Variants in SPEN observed in about 807,000 individuals in gnomAD.
SPEN encodes the protein msx2-interacting protein.
Under a neutral mutation model 269.9 loss-of-function variants are expected in SPEN, and 18 were observed. The observed-to-expected ratio is 0.07, with a 90% CI of 0.05 to 0.10. The LOEUF is 0.10. Ranked by LOEUF, SPEN falls within the 10% of genes least tolerant of loss-of-function variation. SPEN has a pLI of 1.00. For missense variants in SPEN, 3,822 were observed against 4,631.2 expected, an observed-to-expected ratio of 0.83 and a Z score of 5.07; for synonymous variants, 1,726 against 1,765.7, an observed-to-expected ratio of 0.98 and a Z score of 0.56.
rs1308990853 is a variant in SPEN, at chr1:15,933,290, T to C, written c.7050T>C (p.Ala2350=). The C allele has an allele frequency of 1.2e-6, 2 of 1,614,014 alleles. No homozygotes were observed. Among genetic ancestry groups the C allele is most frequent in the Non-Finnish European group, 8.5e-7 (1 of 1,180,024 alleles). Residue 2350 remains alanine (A), a synonymous_variant, in exon 11 of 15, where the codon GCT becomes GCC. Transcript: ENST00000375759. This position sits in a 1 kb window ranked among gnomAD's most constrained non-coding sequence, Gnocchi z 5.7. ...RKRNTNKKVV[A]PVESHVPESN... The stretch of plus-strand genomic sequence containing the variant: ...GAAACACAAACAAGAAAGTGGTGGC[T>C]CCTGTAGAGAGCCATGTCCCTGAAT...
At chr1:15,903,092 T>TA (rs2070918983) in intron 3 of SPEN, among the ~76,000 whole-genome samples, 1 of 152,214 alleles carries the variant, frequency 6.6e-6, no homozygotes, top group Non-Finnish European at 1.5e-5. Context: ...ATCTTATAAA[T>TA]AGCATACTCA....
chr1:15,849,540 C>T (rs2070312013), intron 1 of SPEN, among the ~76,000 whole-genome samples: 1 of 152,068 alleles, frequency 6.6e-6, no homozygotes, highest in African/African-American at 2.4e-5. Flanking sequence ...TTGAGCTGTC[C>T]TCGGCAGGCC....
rs898026531 is a variant in SPEN, at chr1:15,876,682, G to A, written c.881+4G>A. 5.0e-6 allele frequency: 8 copies of A among 1,602,162 alleles called. No individual in the cohort carries two copies. The highest frequency in any genetic ancestry group is 6.8e-6 in the Non-Finnish European group (8 of 1,170,856). Reference sequence around the variant, plus strand: ...GCAGTAGTACCAGCAGTGACAGGTAGGTTAACAGCCTTTTGTTATAACAGA... The same window carrying A: ...GCAGTAGTACCAGCAGTGACAGGTAAGTTAACAGCCTTTTGTTATAACAGA... On this transcript the variant is annotated splice_donor_region_variant and intron_variant, in intron 3 of 14. Coordinates refer to ENST00000375759, the MANE Select transcript of SPEN (RefSeq NM_015001.3).
rs2071313009 is a variant in SPEN, at chr1:15,939,384, C to T, written c.10952C>T (p.Ser3651Phe). ...GCCCCTGACCTCCTTGCCAGCATCTCCAACATCTCTCCCCACCTCATGATT... is the reference window on the plus strand; with the variant it reads ...GCCCCTGACCTCCTTGCCAGCATCTTCAACATCTCTCCCCACCTCATGATT... Reference protein sequence around the residue: ...RLAPDLLASISNISPHLMIVI... With the variant: ...RLAPDLLASIFNISPHLMIVI... Residue 3651 changes from serine to phenylalanine, a missense_variant, in exon 15 of 15, where the codon TCC becomes TTC. Ser to Phe is a radical substitution (Grantham distance 155, BLOSUM62 -2). Transcript: ENST00000375759. The surrounding 1 kb of genome is among the most constrained non-coding windows in gnomAD (Gnocchi z 4.1). The T allele has an allele frequency of 5.6e-6, 9 of 1,607,002 alleles. No homozygotes were observed. The highest frequency in any genetic ancestry group is 2.3e-5 in the East Asian group (1 of 44,140).
intron 1 of SPEN, among the ~76,000 whole-genome samples, chr1:15,860,378 GGTGTGT>G (rs60005872): frequency 0.016 from 1,982 of 121,202 alleles, 52 homozygotes; most frequent in African/African-American, 0.053. Context: ...TAGCTTCAGA[GGTGTGT>G]GTGTGTGTGT....
intron 1 of SPEN, among the ~76,000 whole-genome samples, chr1:15,866,752 G>T (rs1462345385): frequency 6.6e-6 from 1 of 152,142 alleles, no homozygotes; most frequent in East Asian, 1.9e-4. Context: ...ACCATGAAAT[G>T]AAGCTAGCAG....
At chr1:15,918,842 G>T in intron 6 of SPEN, 84 bp from the exon 7 acceptor site, 1 of 1,171,728 alleles carries the variant, frequency 8.5e-7, no homozygotes, top group Non-Finnish European at 1.2e-6. Context: ...ACTTTTTTGA[G>T]AAATAAATAC....
chr1:15,938,355 A>T lies in SPEN; in HGVS notation c.10704+349A>T, dbSNP rs183774977. ...AGCCTTGAACTCCTGACCTCAAGTG[A>T]TCTGGCTGCCTTGGCCTCCCAAAGT... On this transcript the variant is annotated intron_variant, in intron 13 of 14. Transcript: ENST00000375759. 2.7e-3 allele frequency among the ~76,000 whole-genome samples: 411 copies of T among 152,142 alleles called. 10 individuals carry two copies. In the Middle Eastern group the frequency reaches 0.061, roughly 23 times the overall value.
intron 1 of SPEN, among the ~76,000 whole-genome samples, chr1:15,855,328 C>T (rs530223921): frequency 6.6e-6 from 1 of 152,130 alleles, no homozygotes; most frequent in Non-Finnish European, 1.5e-5. Context: ...TTATGTTACA[C>T]ATAACGTATG....
intron 3 of SPEN, among the ~76,000 whole-genome samples, chr1:15,887,858 GA>G (rs1281774797): frequency 6.7e-6 from 1 of 150,360 alleles, no homozygotes; most frequent in Non-Finnish European, 1.5e-5. Flanking sequence ...CAGTCTCTAC[GA>G]AAAAAATACA....
chr1:15,916,420 A>G (rs1194256578), intron 6 of SPEN, 141 bp downstream of exon 6: 1 of 827,686 alleles, frequency 1.2e-6, no homozygotes, highest in Non-Finnish European at 1.8e-6. Flanking sequence ...GCTAAAAGAT[A>G]ATCCAGAGAA....
chr1:15,938,134 GTC>G, intron 13 of SPEN, 128 bp downstream of exon 13: 6 of 891,028 alleles, frequency 6.7e-6, no homozygotes, highest in Non-Finnish European at 1.0e-5. Flanking sequence ...TGTTGAAACA[GTC>G]TCTGTCGCCT....
chr1:15,939,144 G>A lies in SPEN; in HGVS notation c.10864-152G>A. ...TTTATAGTTTTCTGACACCTGCTAG[G>A]TCTTCCAGTAGACATAGTCCTGGCA... On this transcript the variant is annotated intron_variant, in intron 14 of 14. Coordinates refer to ENST00000375759, the MANE Select transcript of SPEN (RefSeq NM_015001.3). This position sits in a 1 kb window ranked among gnomAD's most constrained non-coding sequence, Gnocchi z 4.1. The A allele has an allele frequency of 8.8e-7, 1 of 1,131,272 alleles. No homozygotes were observed. Among genetic ancestry groups the A allele is most frequent in the Non-Finnish European group, 1.2e-6 (1 of 806,452 alleles). The allele number at this position is 1,131,272 out of a possible 1,614,324, so 70.1% of individuals were successfully genotyped here.
chr1:15,924,888 C>G (rs2071152185), intron 10 of SPEN, among the ~76,000 whole-genome samples: 1 of 152,194 alleles, frequency 6.6e-6, no homozygotes, highest in African/African-American at 2.4e-5. Context: ...TGTGGGACTT[C>G]ACTGTGACCC....
chr1:15,937,045 C>T lies in SPEN; in HGVS notation c.10027-118C>T. 1.4e-6 allele frequency: 2 copies of T among 1,443,278 alleles called. No individual in the cohort carries two copies. Among genetic ancestry groups the T allele is most frequent in the Non-Finnish European group, 1.9e-6 (2 of 1,070,874 alleles). The allele number at this position is 1,443,278 out of a possible 1,614,324, so 89.4% of individuals were successfully genotyped here. A position where few individuals can be genotyped will look rare whatever the true frequency, so the allele number is the denominator to read the frequency against. On this transcript the variant is annotated intron_variant, in intron 11 of 14. Transcript: ENST00000375759. This position sits in a 1 kb window ranked among gnomAD's most constrained non-coding sequence, Gnocchi z 5.7. ...ATTCAGGCTCCTTCTGTGGGCCTGA[C>T]TTAACGGGAGATGCCACATCTTATC...
At chr1:15,879,917 G>A (rs972329327) in intron 3 of SPEN, among the ~76,000 whole-genome samples, 9 of 152,032 alleles carry the variant, frequency 5.9e-5, no homozygotes, top group Non-Finnish European at 1.2e-4. Flanking sequence ...CCATCCGCCC[G>A]CCTCGACCTC....
At position 15,933,128 on chromosome 1, in the gene SPEN, A is replaced by G. The variant is rs2071238510; in HGVS notation, c.6888A>G (p.Thr2296=). 6.2e-7 allele frequency: 1 copy of G among 1,614,204 alleles called. No individual in the cohort carries two copies. Among genetic ancestry groups the G allele is most frequent in the African/African-American group, 1.3e-5 (1 of 75,054 alleles). ...VNAPDPSAGP[T]DTKEARGNSS... is the part of the protein sequence containing the mutation. ...CTCCTGACCCCTCAGCCGGCCCAAC[A>G]GATACCAAGGAAGCCAGAGGAAATA... Residue 2296 remains threonine, a synonymous_variant, in exon 11 of 15, where the codon ACA becomes ACG. Coordinates refer to ENST00000375759, the MANE Select transcript of SPEN (RefSeq NM_015001.3). This position sits in a 1 kb window ranked among gnomAD's most constrained non-coding sequence, Gnocchi z 5.7.
In SPEN at chr1:15,933,876, GCCACAAGTGTCACTT is replaced by G; in HGVS notation, c.7650_7664del (p.Ser2551_Thr2555del). 1.9e-6 allele frequency: 3 copies of G among 1,613,828 alleles called. No homozygotes were observed. Among genetic ancestry groups the G allele is most frequent in the East Asian group, 2.2e-5 (1 of 44,876 alleles). On this transcript the variant is annotated inframe_deletion, in exon 11 of 15. Transcript: ENST00000375759. The surrounding 1 kb of genome is among the most constrained non-coding windows in gnomAD (Gnocchi z 5.7). ...TCTCATGGACCCCAAGTATGTGTCT[GCCACAAGTGTCACTT>G]CCACAAGTGTCACCACAGCCATTGC...
Position 15,937,200 on chromosome 1 carries a change from A to G in SPEN, c.10064A>G (p.Gln3355Arg). The G allele has an allele frequency of 1.2e-6, 2 of 1,613,414 alleles. No individual in the cohort carries two copies. Among genetic ancestry groups the G allele is most frequent in the Non-Finnish European group, 1.7e-6 (2 of 1,179,846 alleles). Residue 3355 changes from glutamine to arginine, a missense_variant, in exon 12 of 15, where the codon CAG becomes CGG. By Grantham distance (43) the Gln-to-Arg change is conservative. This residue lies in a region of SPEN where 359 missense variants were observed against 377.3 expected (regional missense o/e 0.95). Transcript: ENST00000375759. This position sits in a 1 kb window ranked among gnomAD's most constrained non-coding sequence, Gnocchi z 5.7. Reference protein sequence around the residue: ...PPEGEPLQPPQPVQSTQPAQP... With the variant: ...PPEGEPLQPPRPVQSTQPAQP... ...GAAGGTGAGCCCCTGCAGCCTCCTCAGCCTGTGCAGTCCACACAGCCTGCC... is the reference window on the plus strand; with the variant it reads ...GAAGGTGAGCCCCTGCAGCCTCCTCGGCCTGTGCAGTCCACACAGCCTGCC...
Sources: allele counts gnomAD v4.1 joint callset (sites outside exome capture counted in the v4.1 genomes callset), GRCh38; gene constraint gnomAD v4.1.1; regional missense constraint gnomAD v4.1.1; non-coding constraint Gnocchi (gnomAD v3.1); transcripts MANE v1.5; gene names NCBI Gene and HGNC (gene_info 2026-07-23, HGNC 2026-07-21).